SKAP1: variants seen among roughly 807,000 people sequenced by gnomAD.
The protein encoded by SKAP1 is src kinase associated phosphoprotein 1, also known as src kinase-associated phosphoprotein 1.
Under a neutral mutation model 58.5 loss-of-function variants are expected in SKAP1, and 44 were observed. The observed-to-expected ratio is 0.75, with a 90% CI of 0.59 to 0.97. The LOEUF (loss-of-function observed/expected upper bound fraction) is 0.97. SKAP1 is among the 50% of genes least tolerant of loss of function. The pLI, the probability that SKAP1 is intolerant of heterozygous loss-of-function variation, is 0.00. For synonymous variants in SKAP1, 127 were observed against 149.7 expected (o/e 0.85, Z 1.11); for missense variants, 390 against 435.2 (o/e 0.90, Z 0.92).
Position 48,186,454 on chromosome 17 carries a change from T to TTTTA in SKAP1, c.442+1385_442+1388dup, listed in dbSNP as rs58026898. On this transcript the variant is annotated intron_variant, in intron 6 of 12. Coordinates refer to ENST00000336915, the MANE Select transcript of SKAP1 (RefSeq NM_003726.4). ...TCAAGTCACTTAGCAAAGCTGCAGT[T>TTTTA]TTTATTTATTTATTTATTTATTTAT... Among the ~76,000 whole-genome samples, 882 of 148,580 alleles carry TTTTA rather than the reference T, an allele frequency of 5.9e-3. 2 individuals are homozygous for TTTTA. The highest frequency in any genetic ancestry group is 8.1e-3 in the East Asian group (41 of 5,088).
chr17:48,442,374 C>A, the SKAP1 span, among the ~76,000 whole-genome samples: 1 of 152,174 alleles, frequency 6.6e-6, no homozygotes, highest in Non-Finnish European at 1.5e-5. Flanking sequence ...TTCTTCAGAC[C>A]TGCCTATGTA....
intron 4 of SKAP1, among the ~76,000 whole-genome samples, chr17:48,299,107 G>T (rs952386602): frequency 2.0e-5 from 3 of 152,184 alleles, no homozygotes; most frequent in Admixed American, 2.0e-4. Context: ...TTCATTTCAT[G>T]TGGGTGATCA....
the SKAP1 span, among the ~76,000 whole-genome samples, chr17:48,440,234 C>A: frequency 1.3e-5 from 2 of 152,204 alleles, no homozygotes; most frequent in Non-Finnish European, 2.9e-5. Flanking sequence ...TTTAATTTCT[C>A]CTGCAATGGA....
intron 2 of SKAP1, among the ~76,000 whole-genome samples, chr17:48,367,514 G>C (rs1280689440): frequency 1.2e-5 from 1 of 83,600 alleles, no homozygotes; most frequent in Non-Finnish European, 2.8e-5. Flanking sequence ...CCATGTATAT[G>C]TGTGTGTATA....
chr17:48,301,700 C>T (rs1367637827), intron 4 of SKAP1, among the ~76,000 whole-genome samples: 5 of 152,212 alleles, frequency 3.3e-5, no homozygotes, highest in African/African-American at 1.2e-4. Flanking sequence ...TGGTCTTGAA[C>T]TCCTGACCTC....
chr17:48,422,398 G>A (rs1598686536), intron 1 of SKAP1, among the ~76,000 whole-genome samples: 1 of 152,090 alleles, frequency 6.6e-6, no homozygotes, highest in African/African-American at 2.4e-5. Flanking sequence ...ACATTTATAT[G>A]GTGTTTAGTA....
chr17:48,290,621 A>G (rs2065887712), intron 4 of SKAP1, among the ~76,000 whole-genome samples: 1 of 150,024 alleles, frequency 6.7e-6, no homozygotes, highest in Non-Finnish European at 1.5e-5. Flanking sequence ...CATAGTTTAC[A>G]TTACATCATG....
chr17:48,145,908 C>G (rs1034819704), intron 11 of SKAP1, among the ~76,000 whole-genome samples: 5 of 152,078 alleles, frequency 3.3e-5, no homozygotes, highest in African/African-American at 1.2e-4. Context: ...GGCACAGATT[C>G]TTAAACCAGA....
rs1598570759 is a variant in SKAP1 at position 48,325,180 on chromosome 17, C to T, written c.280+20725G>A. Among the ~76,000 whole-genome samples the T allele has an allele frequency of 3.0e-5, 4 of 133,114 alleles. No homozygotes were observed. In the East Asian group the frequency reaches 1.0e-3, roughly 35 times the overall value. 87.3% of individuals were successfully genotyped at this position (133,114 alleles called of 152,430 possible). A position where few individuals can be genotyped will look rare whatever the true frequency, so the allele number is the denominator to read the frequency against. ...AGGAGAATGGCGTGAACCCGGGAGG[C>T]GGAGCTTGCAGTGAGCGGAGAGCAG... On this transcript the variant is annotated intron_variant, in intron 4 of 12. Coordinates refer to ENST00000336915, the MANE Select transcript of SKAP1 (RefSeq NM_003726.4).
intron 11 of SKAP1, among the ~76,000 whole-genome samples, chr17:48,146,755 A>G: frequency 6.6e-6 from 1 of 151,612 alleles, no homozygotes; most frequent in Non-Finnish European, 1.5e-5. Context: ...CAGCTTCCTG[A>G]GTAGTTGAGA....
chr17:48,430,142 G>A lies in SKAP1; in HGVS notation c.-22C>T. On this transcript the variant is annotated 5_prime_UTR_variant, in exon 1 of 13. Coordinates refer to ENST00000336915, the MANE Select transcript of SKAP1 (RefSeq NM_003726.4). ...GCATTTGGCTGGGCGGGAGAGAGGCGGGACGGGGCGCGGGCCCTGGTCGGG... is the reference window on the plus strand; with the variant it reads ...GCATTTGGCTGGGCGGGAGAGAGGCAGGACGGGGCGCGGGCCCTGGTCGGG... 4 of 1,255,800 alleles carry A rather than the reference G, an allele frequency of 3.2e-6. No homozygotes were observed. Among genetic ancestry groups the A allele is most frequent in the Middle Eastern group, 2.3e-4 (1 of 4,442 alleles). The allele number at this position is 1,255,800 out of a possible 1,614,324, so 77.8% of individuals were successfully genotyped here. A position where few individuals can be genotyped will look rare whatever the true frequency, so the allele number is the denominator to read the frequency against.
At chr17:48,290,305 A>C (rs1402019466) in intron 4 of SKAP1, among the ~76,000 whole-genome samples, 1 of 152,228 alleles carries the variant, frequency 6.6e-6, no homozygotes, top group Non-Finnish European at 1.5e-5. Context: ...GAAAGAAACA[A>C]AACCATTAAA....
intron 11 of SKAP1, among the ~76,000 whole-genome samples, chr17:48,153,575 T>C (rs2063930248): frequency 6.6e-6 from 1 of 152,104 alleles, no homozygotes; most frequent in African/African-American, 2.4e-5. Flanking sequence ...TGAAATGGGG[T>C]GGTGGGGACA....
intron 1 of SKAP1, among the ~76,000 whole-genome samples, chr17:48,405,420 T>A (rs2067561479): frequency 1.2e-5 from 1 of 80,548 alleles, no homozygotes; most frequent in South Asian, 3.9e-4. Flanking sequence ...TTTCTTTCTT[T>A]CTTTCTTTCT....
chr17:48,365,897 C>G (rs1049770594), intron 2 of SKAP1, among the ~76,000 whole-genome samples: 7 of 151,592 alleles, frequency 4.6e-5, no homozygotes, highest in African/African-American at 1.7e-4. Flanking sequence ...TTCTGGTGGG[C>G]CACTAAAGCC....
intron 11 of SKAP1, among the ~76,000 whole-genome samples, chr17:48,142,795 C>G (rs558802996): frequency 6.6e-6 from 1 of 152,022 alleles, no homozygotes; most frequent in East Asian, 1.9e-4. Flanking sequence ...TCTTCCTACA[C>G]CACACCTTCT....
At chr17:48,228,661 C>A (rs2065095607) in intron 4 of SKAP1, among the ~76,000 whole-genome samples, 1 of 152,156 alleles carries the variant, frequency 6.6e-6, no homozygotes, top group Non-Finnish European at 1.5e-5. Flanking sequence ...TTCAAAACAA[C>A]CTTATGATGT....
In SKAP1 at chr17:48,336,890, T is replaced by C. The variant is rs1467288134; in HGVS notation, c.280+9015A>G. On this transcript the variant is annotated intron_variant, in intron 4 of 12. Transcript: ENST00000336915. ...GAGCTAGTAATTCTAGTTAACCCTATGTTTTGTTGATTAAAATAAAATCTG... is the reference window on the plus strand; with the variant it reads ...GAGCTAGTAATTCTAGTTAACCCTACGTTTTGTTGATTAAAATAAAATCTG... Among the ~76,000 whole-genome samples, 5 of 152,216 alleles carry C rather than the reference T, an allele frequency of 3.3e-5. No individual in the cohort carries two copies. In the East Asian group the frequency reaches 7.7e-4, roughly 23 times the overall value.
At position 48,190,347 on chromosome 17, in the gene SKAP1, C is replaced by T. The variant is rs35712461; in HGVS notation, c.281-847G>A. ...CAGGATGGTCTCGATCTCCTGACCT[C>T]GTGATCCGTCCACGTTGGCCTCCCA... is the stretch of plus-strand genomic sequence containing the variant. On this transcript the variant is annotated intron_variant, in intron 4 of 12. Coordinates refer to ENST00000336915, the MANE Select transcript of SKAP1 (RefSeq NM_003726.4). Among the ~76,000 whole-genome samples, 685 of 151,880 alleles carry T rather than the reference C, an allele frequency of 4.5e-3. 2 individuals carry two copies. Among genetic ancestry groups the T allele is most frequent in the Non-Finnish European group, 7.5e-3 (507 of 67,946 alleles).
Sources: allele counts gnomAD v4.1 joint callset (sites outside exome capture counted in the v4.1 genomes callset), GRCh38; gene constraint gnomAD v4.1.1; transcripts MANE v1.5; gene names NCBI Gene and HGNC (gene_info 2026-07-23, HGNC 2026-07-21).